COG5: variants seen among roughly 807,000 people sequenced by gnomAD.
COG5 encodes the protein conserved oligomeric Golgi complex subunit 5.
COG5 carries 86 observed loss-of-function variants against 110.4 expected under a neutral mutation model. The observed-to-expected ratio is 0.78, with a 90% confidence interval of 0.65 to 0.93. The LOEUF is 0.93. COG5 is among the 40% of genes least tolerant of loss of function. The probability of loss-of-function intolerance (pLI) is 0.00; values close to 1 mark genes in which losing one functional copy is unlikely to be tolerated. For synonymous variants in COG5, 360 were observed against 334.6 expected (o/e 1.08, Z -0.83); for missense variants, 1,077 against 987.0 (o/e 1.09, Z -1.22).
At chr7:107,356,903 A>C (rs948195961) in intron 10 of COG5, among the ~76,000 whole-genome samples, 7 of 152,170 alleles carry the variant, frequency 4.6e-5, no homozygotes, top group African/African-American at 1.7e-4. Context: ...AAAACTGCAA[A>C]AACTTGTAGA....
chr7:107,492,894 T>C (rs972325195), intron 6 of COG5, among the ~76,000 whole-genome samples: 8 of 152,250 alleles, frequency 5.3e-5, no homozygotes, highest in Middle Eastern at 6.8e-3. Flanking sequence ...GCCATACTTG[T>C]TGAGCTGCAC....
chr7:107,420,605 C>T (rs772848558), intron 6 of COG5, among the ~76,000 whole-genome samples: 15 of 152,108 alleles, frequency 9.9e-5, no homozygotes, highest in Admixed American at 6.5e-4. Context: ...GGACTACAGG[C>T]GTGTGCAACC....
intron 7 of COG5, among the ~76,000 whole-genome samples, chr7:107,394,421 T>A (rs1375088020): frequency 6.6e-6 from 1 of 152,166 alleles, no homozygotes; most frequent in African/African-American, 2.4e-5. Context: ...TTTCTTTCTT[T>A]CTCAACCTCT....
intron 7 of COG5, among the ~76,000 whole-genome samples, chr7:107,389,457 C>A (rs1790455850): frequency 6.6e-6 from 1 of 152,182 alleles, no homozygotes; most frequent in African/African-American, 2.4e-5. Context: ...TAAATCATGG[C>A]AAAGAAAATG....
At chr7:107,272,219 A>G (rs1345976064) in intron 14 of COG5, among the ~76,000 whole-genome samples, 1 of 152,086 alleles carries the variant, frequency 6.6e-6, no homozygotes, top group Non-Finnish European at 1.5e-5. Context: ...ATTCAGAGTC[A>G]CCCCTCTGCT....
chr7:107,415,768 A>G (rs74197354), intron 6 of COG5, among the ~76,000 whole-genome samples: 71 of 142,452 alleles, frequency 5.0e-4, no homozygotes, highest in Admixed American at 2.0e-3. Context: ...GTATGTGTGT[A>G]TATATACACA....
At chr7:107,218,910 G>A (rs1799708002) in intron 19 of COG5, among the ~76,000 whole-genome samples, 1 of 151,890 alleles carries the variant, frequency 6.6e-6, no homozygotes, top group South Asian at 2.1e-4. Context: ...AAGAAATAAT[G>A]AGAATAAAAA....
chr7:107,355,539 T>C (rs993420034), intron 10 of COG5, among the ~76,000 whole-genome samples: 7 of 152,132 alleles, frequency 4.6e-5, no homozygotes, highest in Non-Finnish European at 8.8e-5. Context: ...TTTCAATAAA[T>C]GAATGAATAA....
intron 11 of COG5, among the ~76,000 whole-genome samples, chr7:107,317,929 C>T (rs774875964): frequency 6.6e-5 from 10 of 152,126 alleles, no homozygotes; most frequent in Non-Finnish European, 1.3e-4. Flanking sequence ...TACGATTTTA[C>T]TAAAAATGTT....
In COG5 at chr7:107,476,469, A is replaced by G. The variant is rs1358687472; in HGVS notation, c.538+50768T>C. Among the ~76,000 whole-genome samples, 3 of 151,628 alleles carry G rather than the reference A, an allele frequency of 2.0e-5. No individual in the cohort carries two copies. In the East Asian group the frequency reaches 5.8e-4, roughly 29 times the overall value. On this transcript the variant is annotated intron_variant, in intron 6 of 21. Coordinates refer to ENST00000297135, the MANE Select transcript of COG5 (RefSeq NM_006348.5). ...ATTTCCACACTGAAATCACTAAGGT[A>G]ACAATAAGTCTTGTCACTTTTCTAC...
chr7:107,559,627 T>C (rs1803618493), intron 1 of COG5, among the ~76,000 whole-genome samples: 1 of 152,150 alleles, frequency 6.6e-6, no homozygotes, highest in African/African-American at 2.4e-5. Context: ...AAGTAAAGGC[T>C]CATACTCTTG....
chr7:107,555,371 G>A (rs1461245187), intron 2 of COG5, among the ~76,000 whole-genome samples: 1 of 152,180 alleles, frequency 6.6e-6, no homozygotes, highest in Admixed American at 6.5e-5. Context: ...TCTGCTGACT[G>A]AAGTTCTTAA....
At chr7:107,548,462 C>G in intron 3 of COG5, 130 bp from the exon 4 acceptor site, 1 of 842,586 alleles carries the variant, frequency 1.2e-6, no homozygotes, top group East Asian at 2.6e-5. Context: ...ATCCAAGCAA[C>G]CAGTATCTTT....
At chr7:107,496,661 A>AAAAAAAC (rs1275905841) in intron 6 of COG5, among the ~76,000 whole-genome samples, 3 of 151,562 alleles carry the variant, frequency 2.0e-5, no homozygotes, top group African/African-American at 4.8e-5. Flanking sequence ...CTGTCTCAAA[A>AAAAAAAC]AAAAAACAAA....
chr7:107,406,069 G>A (rs1791815654), intron 7 of COG5, among the ~76,000 whole-genome samples: 2 of 152,134 alleles, frequency 1.3e-5, no homozygotes, highest in South Asian at 4.1e-4. Context: ...GAGCCAAATT[G>A]TACTCAGAAG....
In COG5 at chr7:107,248,392, T is replaced by G; in HGVS notation, c.1853+4A>C. 6.3e-7 allele frequency: 1 copy of G among 1,584,458 alleles called. No homozygotes were observed. The highest frequency in any genetic ancestry group is 2.2e-5 in the East Asian group (1 of 44,708). ...TTAGTAAAAATTTGGTTAGAAGTAA[T>G]TACCCAGAAAAGTCTTCTTGATGCA... On this transcript the variant is annotated splice_donor_region_variant and intron_variant, in intron 17 of 21. Coordinates refer to ENST00000297135, the MANE Select transcript of COG5 (RefSeq NM_006348.5).
At chr7:107,295,265 T>C (rs1389257338) in intron 12 of COG5, among the ~76,000 whole-genome samples, 1 of 150,444 alleles carries the variant, frequency 6.6e-6, no homozygotes, top group Non-Finnish European at 1.5e-5. Flanking sequence ...GGTCTCTAAA[T>C]TTGTTCTTCT....
chr7:107,511,450 A>T (rs1032569711), intron 6 of COG5, among the ~76,000 whole-genome samples: 1 of 152,204 alleles, frequency 6.6e-6, no homozygotes, highest in African/African-American at 2.4e-5. Flanking sequence ...ATTCACAGCC[A>T]AATTCTACCA....
In COG5 at chr7:107,203,570, T is replaced by A; in HGVS notation, c.2436A>T (p.Pro812=). 6.2e-7 allele frequency: 1 copy of A among 1,614,168 alleles called. No individual in the cohort carries two copies. Among genetic ancestry groups the A allele is most frequent in the Non-Finnish European group, 8.5e-7 (1 of 1,180,010 alleles). Residue 812 remains proline, a synonymous_variant, in exon 22 of 22, where the codon CCA becomes CCT. Coordinates refer to ENST00000297135, the MANE Select transcript of COG5 (RefSeq NM_006348.5). ...VRSREGKEFA[P]VYPIMVQLLQ... ...GCAGCTGAACCATTATGGGATAAAC[T>A]GGTGCAAATTCTTTGCCTTCTCTAC... is the stretch of plus-strand genomic sequence containing the variant.
Sources: gnomAD v4.1 joint callset for allele counts (sites outside exome capture counted in the v4.1 genomes callset) on GRCh38, gnomAD v4.1.1 for gene constraint, MANE v1.5 for transcripts, NCBI Gene and HGNC (gene_info 2026-07-23, HGNC 2026-07-21) for gene names.